The following CCDC148 variants were observed in gnomAD, a reference collection of about 807,000 sequenced individuals.
CCDC148 encodes coiled-coil domain-containing protein 148.
CCDC148 carries 89 observed loss-of-function variants against 85.7 expected under a neutral mutation model. The observed-to-expected ratio is 1.04, with a 90% CI of 0.87 to 1.24. The LOEUF is 1.24. CCDC148 is among the 50% of genes most tolerant of loss of function. CCDC148 has a pLI of 0.00. For synonymous variants in CCDC148, 230 were observed against 213.9 expected, an observed-to-expected ratio of 1.08 and a Z score of -0.66; for missense variants, 692 against 671.7, an observed-to-expected ratio of 1.03 and a Z score of -0.33.
At chr2:158,173,854 T>C (rs6727292) in intron 13 of CCDC148, among the ~76,000 whole-genome samples, 140,707 of 152,052 alleles carry the variant, frequency 0.93, 65,152 homozygotes, top group East Asian at 0.98. Context: ...TCACCTCTCT[T>C]TTCAGTTCCA....
chr2:158,241,425 T>G (rs564279671), intron 10 of CCDC148, among the ~76,000 whole-genome samples: 1 of 152,234 alleles, frequency 6.6e-6, no homozygotes, highest in South Asian at 2.1e-4. Flanking sequence ...AAGAATTGTA[T>G]ATCAGTTTGT....
At chr2:158,431,815 G>C (rs1469976228) in intron 1 of CCDC148, among the ~76,000 whole-genome samples, 1 of 152,054 alleles carries the variant, frequency 6.6e-6, no homozygotes, top group Non-Finnish European at 1.5e-5. Context: ...GTGTGTGCCT[G>C]TAATCGCAGC....
At chr2:158,181,715 A>G (rs1684912686) in intron 11 of CCDC148, among the ~76,000 whole-genome samples, 1 of 152,150 alleles carries the variant, frequency 6.6e-6, no homozygotes, top group Non-Finnish European at 1.5e-5. Context: ...GTGAGCAGGT[A>G]TGTCTTAAAA....
At position 158,220,730 on chromosome 2, in the gene CCDC148, A is replaced by T; in HGVS notation, c.1252-17T>A. The T allele has an allele frequency of 6.5e-7, 1 of 1,527,274 alleles. No individual in the cohort carries two copies. The highest frequency in any genetic ancestry group is 8.8e-7 in the Non-Finnish European group (1 of 1,132,804). 94.6% of individuals were successfully genotyped at this position (1,527,274 alleles called of 1,614,324 possible). A position where few individuals can be genotyped will look rare whatever the true frequency, so the allele number is the denominator to read the frequency against. ...TTTTTTTATCTATTGTATAAATGTTACATAAAATTTAAATTAACAACAGAT... is the reference window on the plus strand; with the variant it reads ...TTTTTTTATCTATTGTATAAATGTTTCATAAAATTTAAATTAACAACAGAT... On this transcript the variant is annotated splice_polypyrimidine_tract_variant and intron_variant, in intron 10 of 13. Transcript: ENST00000283233.
At chr2:158,337,077 G>A (rs934262515) in intron 7 of CCDC148, among the ~76,000 whole-genome samples, 1 of 152,046 alleles carries the variant, frequency 6.6e-6, no homozygotes, top group Non-Finnish European at 1.5e-5. Flanking sequence ...AGTCACACAG[G>A]GTTGCATTAT....
intron 11 of CCDC148, among the ~76,000 whole-genome samples, chr2:158,210,787 C>CA (rs34273946): frequency 0.27 from 23,830 of 89,440 alleles, 2,823 homozygotes; most frequent in African/African-American, 0.31. Flanking sequence ...ACTAAAAATA[C>CA]AAAAAAAAAA....
At chr2:158,197,379 A>C (rs1197184877) in intron 11 of CCDC148, among the ~76,000 whole-genome samples, 1 of 152,148 alleles carries the variant, frequency 6.6e-6, no homozygotes, top group Non-Finnish European at 1.5e-5. Flanking sequence ...GGGATGTCTG[A>C]GTTGTCCCCA....
chr2:158,276,973 A>T (rs185571021), intron 9 of CCDC148, among the ~76,000 whole-genome samples: 4 of 152,346 alleles, frequency 2.6e-5, no homozygotes, highest in Non-Finnish European at 4.4e-5. Flanking sequence ...AAAAGATGTA[A>T]ATCCACTACA....
At chr2:158,347,755 A>T (rs1683065301) in intron 2 of CCDC148, among the ~76,000 whole-genome samples, 1 of 152,108 alleles carries the variant, frequency 6.6e-6, no homozygotes, top group Non-Finnish European at 1.5e-5. Flanking sequence ...GAACGAGAAG[A>T]TCCATCTTTT....
intron 8 of CCDC148, among the ~76,000 whole-genome samples, chr2:158,311,821 A>T (rs1352734690): frequency 6.6e-6 from 1 of 152,148 alleles, no homozygotes; most frequent in Non-Finnish European, 1.5e-5. Context: ...AGCCCTTCCC[A>T]TGCTATGCTC....
At chr2:158,303,499 T>G (rs948120514) in intron 9 of CCDC148, among the ~76,000 whole-genome samples, 5 of 152,160 alleles carry the variant, frequency 3.3e-5, no homozygotes, top group African/African-American at 1.2e-4. Flanking sequence ...TTAAAAAAAA[T>G]TATAAGCATA....
chr2:158,285,634 C>T (rs1404247256), intron 9 of CCDC148, among the ~76,000 whole-genome samples: 2 of 151,644 alleles, frequency 1.3e-5, no homozygotes, highest in Non-Finnish European at 1.5e-5. Flanking sequence ...GGGTTCACAC[C>T]ATTCTCCTGC....
Position 158,380,025 on chromosome 2 carries a change from C to T in CCDC148, c.26-21455G>A, listed in dbSNP as rs58575796. On this transcript the variant is annotated intron_variant, in intron 1 of 13. Transcript: ENST00000283233. ...CTGGTCTTGAACTCCTTGGCTCAAG[C>T]GATCCTCCTACTTCAGCCTCTTGAG... Among the ~76,000 whole-genome samples the T allele has an allele frequency of 7.9e-3, 1,198 of 152,120 alleles. 21 individuals carry two copies. The highest frequency in any genetic ancestry group is 0.028 in the South Asian group (133 of 4,818).
In CCDC148 at chr2:158,439,096, T is replaced by A. The variant is rs1388255691; in HGVS notation, c.25+17319A>T. Among the ~76,000 whole-genome samples, 8 of 152,160 alleles carry A rather than the reference T, an allele frequency of 5.3e-5. No individual in the cohort carries two copies. The East Asian group carries it at 1.4e-3, about 26-fold the overall frequency. On this transcript the variant is annotated intron_variant, in intron 1 of 13. Transcript: ENST00000283233. The stretch of plus-strand genomic sequence containing the variant: ...TTCCTCAGGGATCTAGAACTAGAAA[T>A]ACCATTTGACCCAGCCATCCCATTA...
chr2:158,264,555 T>C (rs1689373520), intron 9 of CCDC148, among the ~76,000 whole-genome samples: 1 of 152,066 alleles, frequency 6.6e-6, no homozygotes, highest in African/African-American at 2.4e-5. Context: ...AGTCAGAATA[T>C]ACCTGGGGGA....
At chr2:158,321,054 G>A (rs938698573) in intron 7 of CCDC148, among the ~76,000 whole-genome samples, 1 of 152,072 alleles carries the variant, frequency 6.6e-6, no homozygotes, top group Non-Finnish European at 1.5e-5. Flanking sequence ...TGCAGAAAGT[G>A]AACCCTTTTT....
At chr2:158,391,859 G>A (rs1685322930) in intron 1 of CCDC148, among the ~76,000 whole-genome samples, 1 of 152,076 alleles carries the variant, frequency 6.6e-6, no homozygotes, top group South Asian at 2.1e-4. Context: ...GGCAATAAAG[G>A]TTCCTTGGTA....
Position 158,456,723 on chromosome 2 carries a change from C to A in CCDC148, c.-284G>T, listed in dbSNP as rs930862379. ...CTCTCTCACACCCACCCTCTCCAGG[C>A]CCTCTCGCGCTGAACAGCATCGGTC... On this transcript the variant is annotated 5_prime_UTR_variant, in exon 1 of 14. Transcript: ENST00000283233. 1.0e-5 allele frequency: 5 copies of A among 485,830 alleles called. No individual in the cohort carries two copies. Among genetic ancestry groups the A allele is most frequent in the African/African-American group, 3.9e-5 (2 of 51,270 alleles). The allele number at this position is 485,830 out of a possible 1,614,324, so 30.1% of individuals were successfully genotyped here.
At chr2:158,344,884 G>C (rs964139912) in intron 3 of CCDC148, among the ~76,000 whole-genome samples, 1 of 151,856 alleles carries the variant, frequency 6.6e-6, no homozygotes, top group African/African-American at 2.4e-5. Context: ...CACTTTATAG[G>C]GAGGAAAAAA....
Sources: allele counts gnomAD v4.1 joint callset (sites outside exome capture counted in the v4.1 genomes callset), GRCh38; gene constraint gnomAD v4.1.1; transcripts MANE v1.5; gene names NCBI Gene and HGNC (gene_info 2026-07-23, HGNC 2026-07-21).